KRIT1: variants seen among roughly 807,000 people sequenced by gnomAD.
KRIT1 encodes KRIT1 ankyrin repeat containing, also known as krev interaction trapped protein 1.
KRIT1 carries 45 observed loss-of-function variants against 95.8 expected under a neutral mutation model. The ratio of observed to expected loss-of-function variants is 0.47; its 90% confidence interval spans 0.37 to 0.60. The LOEUF (loss-of-function observed/expected upper bound fraction) is 0.60, where lower values mean the gene tolerates loss of function less well. KRIT1 is among the 20% of genes least tolerant of loss of function. KRIT1 has a pLI of 0.00. For missense variants in KRIT1, 788 were observed against 877.5 expected (o/e 0.90, Z 1.29); for synonymous variants, 282 against 278.8 (o/e 1.01, Z -0.11).
intron 10 of KRIT1, among the ~76,000 whole-genome samples, chr7:92,232,575 G>A (rs1418745450): frequency 2.0e-5 from 3 of 150,578 alleles, no homozygotes; most frequent in Non-Finnish European, 4.4e-5. Flanking sequence ...ATATAAACTT[G>A]GGATTCCTCA....
At chr7:92,224,325 G>A (rs1342502245) in intron 12 of KRIT1, among the ~76,000 whole-genome samples, 1 of 152,138 alleles carries the variant, frequency 6.6e-6, no homozygotes, top group Non-Finnish European at 1.5e-5. Flanking sequence ...ACAGCCAGGA[G>A]CGGTGGCACG....
At chr7:92,201,281 T>C (rs1790074458) in intron 18 of KRIT1, 26 bp downstream of exon 18, 3 of 1,047,792 alleles carry the variant, frequency 2.9e-6, no homozygotes, top group Non-Finnish European at 4.5e-6. Flanking sequence ...CAATAGTTTA[T>C]GAAGTCCAAA....
chr7:92,212,374 T>C (rs1271954613), intron 17 of KRIT1, among the ~76,000 whole-genome samples: 1 of 152,208 alleles, frequency 6.6e-6, no homozygotes, highest in Non-Finnish European at 1.5e-5. Context: ...AAAATGGCAT[T>C]GTTATGGACT....
Position 92,209,830 on chromosome 7 carries a change from A to T in KRIT1, c.2025+3365T>A, listed in dbSNP as rs973693112. On this transcript the variant is annotated intron_variant, in intron 17 of 18. Transcript: ENST00000394505. Reference sequence around the variant, plus strand: ...GTAATCCCAGCACTCTGGGAGGCCGAGGTGGGTGGATCACCTGAGGTCAGA... The same window carrying T: ...GTAATCCCAGCACTCTGGGAGGCCGTGGTGGGTGGATCACCTGAGGTCAGA... Among the ~76,000 whole-genome samples the T allele has an allele frequency of 5.3e-5, 8 of 152,146 alleles. 1 individual carries two copies. The highest frequency in any genetic ancestry group is 1.3e-4 in the Admixed American group (2 of 15,274).
chr7:92,241,527 T>G (rs569320231), intron 4 of KRIT1, among the ~76,000 whole-genome samples: 37 of 152,116 alleles, frequency 2.4e-4, no homozygotes, highest in Non-Finnish European at 4.4e-4. Context: ...TGAAATCTGT[T>G]GCATAAAAAA....
At chr7:92,243,247 CCA>C (rs1800083819) in intron 3 of KRIT1, among the ~76,000 whole-genome samples, 1 of 152,174 alleles carries the variant, frequency 6.6e-6, no homozygotes, top group African/African-American at 2.4e-5. Flanking sequence ...TGAATTTCAA[CCA>C]CAATCTTAGT....
chr7:92,222,862 A>C lies in KRIT1; in HGVS notation c.1371T>G (p.Thr457=). Residue 457 remains threonine (T), a synonymous_variant, in exon 13 of 19, where the codon ACT becomes ACG. Transcript: ENST00000394505. ...AAATCCATATAGTGAAATATTGCTG[A>C]GTTTCTTGAGAGAGACGCATTCCTT... The part of the protein sequence containing the change: ...IMEGMRLSQE[T]QQYFTIWICS... The C allele has an allele frequency of 1.2e-6, 2 of 1,609,028 alleles. No homozygotes were observed. Among genetic ancestry groups the C allele is most frequent in the Non-Finnish European group, 1.7e-6 (2 of 1,175,490 alleles).
chr7:92,216,130 G>C (rs28728062), intron 14 of KRIT1, among the ~76,000 whole-genome samples: 59,620 of 150,606 alleles, frequency 0.4, 12,073 homozygotes, highest in African/African-American at 0.45. Context: ...TCGGGAGGCT[G>C]AGGCAGGAGA....
chr7:92,241,650 C>G (rs1323304421), intron 4 of KRIT1, among the ~76,000 whole-genome samples: 1 of 151,782 alleles, frequency 6.6e-6, no homozygotes, highest in African/African-American at 2.4e-5. Flanking sequence ...AAATTTAAGG[C>G]AAAAAAGTAT....
chr7:92,245,215 G>C (rs1200897409), intron 1 of KRIT1, 44 bp from the exon 2 acceptor site: 2 of 152,008 alleles, frequency 1.3e-5, no homozygotes, highest in Admixed American at 6.6e-5. Context: ...GTGAGTTACA[G>C]GGGGAGAAGT....
Position 92,244,976 on chromosome 7 carries a change from T to C in KRIT1, c.-225A>G, listed in dbSNP as rs1800560476. On this transcript the variant is annotated 5_prime_UTR_variant, in exon 2 of 19. The change abolishes an upstream ATG in the 5' untranslated region. Transcript: ENST00000394505. ...GATGAGGGGAGATGTACAACTGCCA[T>C]TTAGTGTCCATGGAACAGGTTTGCT... is the stretch of plus-strand genomic sequence containing the variant. 1 of 152,090 alleles carries C rather than the reference T, an allele frequency of 6.6e-6. No individual in the cohort carries two copies. Among genetic ancestry groups the C allele is most frequent in the South Asian group, 2.1e-4 (1 of 4,814 alleles). The allele number at this position is 152,090 out of a possible 1,614,324, so 9.4% of individuals were successfully genotyped here.
chr7:92,234,898 T>C lies in KRIT1; in HGVS notation c.755A>G (p.Tyr252Cys), dbSNP rs1798075445. 4 of 1,576,646 alleles carry C rather than the reference T, an allele frequency of 2.5e-6. No homozygotes were observed. Among genetic ancestry groups the C allele is most frequent in the Non-Finnish European group, 3.5e-6 (4 of 1,145,926 alleles). ...NRVDKVVINP[Y>C]FGLGAPDYSK... ...GTAGTCTGGAGCTCCTAGACCAAAG[T>C]ATGGATTTATTACCACTTTATCTAC... The change falls in exon 9 of 19, where the codon TAC (tyrosine) becomes TGC (cysteine). Residue 252 changes from tyrosine to cysteine, a missense_variant. By Grantham distance (194) the Tyr-to-Cys change is radical. Transcript: ENST00000394505.
rs183542745 is a variant in KRIT1, at chr7:92,218,374, C to G, written c.1563+3528G>C. 2.9e-3 allele frequency among the ~76,000 whole-genome samples: 445 copies of G among 151,768 alleles called. 4 individuals carry two copies. The highest frequency in any genetic ancestry group is 0.01 in the African/African-American group (422 of 41,366). On this transcript the variant is annotated intron_variant, in intron 14 of 18. Transcript: ENST00000394505. ...CTGGGATTACAGAAGTGAACCACCACGCCTGGCCTACTTTTTTTTTTTTTT... is the reference window on the plus strand; with the variant it reads ...CTGGGATTACAGAAGTGAACCACCAGGCCTGGCCTACTTTTTTTTTTTTTT...
rs760935725 is a variant in KRIT1 at position 92,225,766 on chromosome 7, T to C, written c.1208A>G (p.Asn403Ser). ...CAACAATTTTGCAGCTTCTTCCCAG[T>C]TGTTTTGTTTGTTTTCTTCACAAAT... is the stretch of plus-strand genomic sequence containing the variant. Reference protein sequence around the residue: ...LNICEENKQNNWEEAAKLLKE... With the variant: ...LNICEENKQNSWEEAAKLLKE... Residue 403 changes from asparagine (N) to serine (S), a missense_variant, in exon 12 of 19, where the codon AAC (asparagine) becomes AGC (serine). Around this residue, in one of 3 missense-constraint regions of KRIT1, gnomAD observed 493 missense variants for 582.3 expected, o/e 0.85. Transcript: ENST00000394505. The C allele has an allele frequency of 3.1e-6, 5 of 1,610,794 alleles. No individual in the cohort carries two copies. The highest frequency in any genetic ancestry group is 2.2e-5 in the South Asian group (2 of 91,012).
At chr7:92,227,693 C>G (rs1286000229) in intron 10 of KRIT1, among the ~76,000 whole-genome samples, 3 of 151,682 alleles carry the variant, frequency 2.0e-5, no homozygotes, top group Admixed American at 2.0e-4. Context: ...CGCCACCACG[C>G]CCAGCTAATT....
chr7:92,221,766 G>A, intron 14 of KRIT1, 136 bp downstream of exon 14: 1 of 736,326 alleles, frequency 1.4e-6, no homozygotes, highest in South Asian at 1.6e-5. Flanking sequence ...TAGATCAACT[G>A]AAACTCCGCC....
At chr7:92,201,648 C>T (rs1043934441) in intron 17 of KRIT1, 59 of 468,260 alleles carry the variant, frequency 1.3e-4, no homozygotes, top group African/African-American at 1.1e-3. Context: ...AACCCGTCAC[C>T]TACATTAGAT....
intron 4 of KRIT1, among the ~76,000 whole-genome samples, chr7:92,241,393 G>C (rs1799607635): frequency 6.6e-6 from 1 of 152,154 alleles, no homozygotes; most frequent in African/African-American, 2.4e-5. Context: ...CCACAGCACT[G>C]CTGATGCAGT....
chr7:92,223,368 C>A (rs755647667), intron 12 of KRIT1, among the ~76,000 whole-genome samples: 1 of 150,556 alleles, frequency 6.6e-6, no homozygotes, highest in Non-Finnish European at 1.5e-5. Context: ...TGGCGTGAAC[C>A]CCGGGAGGAG....
Sources: allele counts gnomAD v4.1 joint callset (sites outside exome capture counted in the v4.1 genomes callset), GRCh38; gene constraint gnomAD v4.1.1; regional missense constraint gnomAD v4.1.1; transcripts MANE v1.5; gene names NCBI Gene and HGNC (gene_info 2026-07-23, HGNC 2026-07-21).